CHIC1: variants seen among roughly 807,000 people sequenced by gnomAD.
CHIC1 encodes cysteine rich hydrophobic domain 1.
Under a neutral mutation model 18.5 loss-of-function variants are expected in CHIC1, and 7 were observed. The observed-to-expected ratio is 0.38, with a 90% CI of 0.22 to 0.71. The LOEUF is 0.71. CHIC1 is among the 30% of genes least tolerant of loss of function. The probability of loss-of-function intolerance (pLI) is 0.49; values close to 1 mark genes in which losing one functional copy is unlikely to be tolerated. For missense variants in CHIC1, 159 were observed against 176.9 expected, an observed-to-expected ratio of 0.90 and a Z score of 0.57; for synonymous variants, 77 against 73.5, an observed-to-expected ratio of 1.05 and a Z score of -0.25.
intron 3 of CHIC1, among the ~76,000 whole-genome samples, chrX:73,597,604 TAC>T (rs761767370): frequency 2.4e-3 from 252 of 103,748 alleles, no homozygotes; most frequent in Non-Finnish European, 3.6e-3. Flanking sequence ...CATATATATA[TAC>T]ACACACACAC....
intron 3 of CHIC1, among the ~76,000 whole-genome samples, chrX:73,602,760 A>G (rs1369204245): frequency 1.8e-5 from 2 of 108,883 alleles, no homozygotes; most frequent in Non-Finnish European, 3.8e-5. Context: ...AACACCATTT[A>G]TTAAATAGGG....
chrX:73,571,999 T>C (rs899336263), intron 1 of CHIC1, among the ~76,000 whole-genome samples: 2 of 110,303 alleles, frequency 1.8e-5, no homozygotes, highest in Non-Finnish European at 3.8e-5. Flanking sequence ...CATGCGCAGT[T>C]TTATTACAAA....
At chrX:73,611,288 T>G (rs2057707471) in intron 3 of CHIC1, among the ~76,000 whole-genome samples, 1 of 108,000 alleles carries the variant, frequency 9.3e-6, no homozygotes, top group African/African-American at 3.6e-5. Flanking sequence ...TTTGTCCTTG[T>G]GATAGTTTGC....
At chrX:73,621,618 A>G (rs2057760779) in intron 3 of CHIC1, among the ~76,000 whole-genome samples, 5 of 112,053 alleles carry the variant, frequency 4.5e-5, no homozygotes, top group Non-Finnish European at 9.4e-5. Context: ...GGGTTTCTAA[A>G]TATACAATCA....
intron 3 of CHIC1, among the ~76,000 whole-genome samples, chrX:73,613,531 A>G (rs2057718721): frequency 8.9e-6 from 1 of 111,913 alleles, no homozygotes; most frequent in African/African-American, 3.2e-5. Flanking sequence ...AGCCCTCACC[A>G]AGAGCAGATA....
chrX:73,569,465 G>T (rs1425811876), intron 1 of CHIC1, among the ~76,000 whole-genome samples: 1 of 111,267 alleles, frequency 9.0e-6, no homozygotes, highest in Non-Finnish European at 1.9e-5. Flanking sequence ...CAGCTGGGTC[G>T]GCTTCAAACA....
chrX:73,635,331 C>T (rs1161879447), intron 3 of CHIC1, among the ~76,000 whole-genome samples: 1 of 111,718 alleles, frequency 9.0e-6, no homozygotes, highest in African/African-American at 3.3e-5. Context: ...GGATGTAAGA[C>T]TAGTTTTCTT....
intron 3 of CHIC1, among the ~76,000 whole-genome samples, chrX:73,614,301 CTT>C (rs910847333): frequency 1.8e-5 from 2 of 111,369 alleles, no homozygotes; most frequent in Admixed American, 9.6e-5. Flanking sequence ...AGAATTCTCT[CTT>C]TGTCTTTGAC....
At chrX:73,678,663 C>A (rs1296044188) in intron 3 of CHIC1, among the ~76,000 whole-genome samples, 1 of 112,417 alleles carries the variant, frequency 8.9e-6, no homozygotes, top group Non-Finnish European at 1.9e-5. Flanking sequence ...ACATTATGTA[C>A]TCCTTACAAA....
chrX:73,601,429 T>C (rs1252233249), intron 3 of CHIC1, among the ~76,000 whole-genome samples: 3 of 105,630 alleles, frequency 2.8e-5, no homozygotes, highest in Non-Finnish European at 5.7e-5. Flanking sequence ...CTCAACTACA[T>C]GGAAACTGAA....
chrX:73,681,202 C>T lies in CHIC1; in HGVS notation c.*197C>T. 2.7e-6 allele frequency: 1 copy of T among 375,490 alleles called. No individual in the cohort carries two copies. Among genetic ancestry groups the T allele is most frequent in the Non-Finnish European group, 4.6e-6 (1 of 218,888 alleles). 30.9% of individuals were successfully genotyped at this position (375,490 alleles called of 1,213,427 possible). A position where few individuals can be genotyped will look rare whatever the true frequency, so the allele number is the denominator to read the frequency against. On this transcript the variant is annotated 3_prime_UTR_variant, in exon 6 of 6. Transcript: ENST00000373502. ...GTCTTTCAATGAGGCTTGTGTTTTG[C>T]ACTCTCAATTTTAAATACACACACA... is the stretch of plus-strand genomic sequence containing the variant.
intron 3 of CHIC1, among the ~76,000 whole-genome samples, chrX:73,623,058 T>C (rs985291106): frequency 1.8e-5 from 2 of 111,698 alleles, no homozygotes; most frequent in Non-Finnish European, 3.8e-5. Context: ...GAGACTGTTA[T>C]GATTTCTGTT....
At chrX:73,659,439 T>A (rs1314132820) in intron 3 of CHIC1, among the ~76,000 whole-genome samples, 1 of 97,912 alleles carries the variant, frequency 1.0e-5, no homozygotes, top group Non-Finnish European at 2.0e-5. Context: ...TGTGCAGCAA[T>A]GTAACTATGA....
intron 3 of CHIC1, among the ~76,000 whole-genome samples, chrX:73,648,495 A>G (rs754092585): frequency 3.6e-5 from 4 of 111,935 alleles, no homozygotes; most frequent in African/African-American, 1.3e-4. Context: ...GATGCTAACT[A>G]GAATAACCAT....
intron 2 of CHIC1, among the ~76,000 whole-genome samples, chrX:73,580,711 T>G (rs1368492128): frequency 9.0e-6 from 1 of 111,026 alleles, no homozygotes; most frequent in Non-Finnish European, 1.9e-5. Context: ...TAAAATATTT[T>G]AAAATGAATA....
At chrX:73,631,627 CAA>C (rs59451523) in intron 3 of CHIC1, among the ~76,000 whole-genome samples, 2 of 96,859 alleles carry the variant, frequency 2.1e-5, no homozygotes, top group African/African-American at 7.4e-5. Flanking sequence ...GACTCCATCT[CAA>C]AAAAAAAAAA....
chrX:73,626,477 C>T (rs374503170), intron 3 of CHIC1, among the ~76,000 whole-genome samples: 135 of 110,701 alleles, frequency 1.2e-3, no homozygotes, highest in African/African-American at 4.3e-3. Context: ...GCATGCTTTA[C>T]GGTTTTTTAT....
chrX:73,660,414 G>A (rs1171336729), intron 3 of CHIC1, among the ~76,000 whole-genome samples: 2 of 112,173 alleles, frequency 1.8e-5, no homozygotes, highest in Admixed American at 9.4e-5. Context: ...CAGGGCGGAA[G>A]AAAGGCGGAT....
intron 3 of CHIC1, among the ~76,000 whole-genome samples, chrX:73,674,849 C>T (rs1398695105): frequency 9.0e-6 from 1 of 111,269 alleles, no homozygotes; most frequent in African/African-American, 3.3e-5. Flanking sequence ...TTGGATCTTT[C>T]CTGCTTTCTC....
Sources: gnomAD v4.1 joint callset for allele counts (sites outside exome capture counted in the v4.1 genomes callset) on GRCh38, gnomAD v4.1.1 for gene constraint, MANE v1.5 for transcripts, NCBI Gene and HGNC (gene_info 2026-07-23, HGNC 2026-07-21) for gene names.